Variants in ZNF827 observed in about 807,000 individuals in gnomAD.
ZNF827 encodes zinc finger protein 827.
Under a neutral mutation model 102.4 loss-of-function variants are expected in ZNF827, and 13 were observed. The ratio of observed to expected loss-of-function variants is 0.13; its 90% CI spans 0.08 to 0.20. The LOEUF is 0.20. Among genes scored for constraint, ZNF827 ranks in the 10% least tolerant of loss-of-function variants. ZNF827 has a pLI of 1.00. For missense variants in ZNF827, 1,103 were observed against 1,344.4 expected, an observed-to-expected ratio of 0.82 and a Z score of 2.81; for synonymous variants, 523 against 536.2, an observed-to-expected ratio of 0.98 and a Z score of 0.34.
chr4:145,838,842 TAA>T (rs1745139034), intron 7 of ZNF827, among the ~76,000 whole-genome samples: 1 of 152,210 alleles, frequency 6.6e-6, no homozygotes, highest in South Asian at 2.1e-4. Context: ...TATCTGGAAA[TAA>T]GTTACTTTTA....
intron 7 of ZNF827, among the ~76,000 whole-genome samples, chr4:145,836,183 A>G (rs1744816128): frequency 6.6e-6 from 1 of 151,832 alleles, no homozygotes; most frequent in Non-Finnish European, 1.5e-5. Context: ...CTATCTCGGC[A>G]TAATTCTCAT....
chr4:145,937,709 G>GCCGCCTCCTCCACCT (rs920739518), intron 1 of ZNF827, among the ~76,000 whole-genome samples: 8 of 73,440 alleles, frequency 1.1e-4, no homozygotes, highest in Non-Finnish European at 2.1e-4. Flanking sequence ...CTCCTCCGCC[G>GCCGCCTCCTCCACCT]CCGCCTCCTC....
intron 7 of ZNF827, chr4:145,830,548 G>A (rs942969432): frequency 6.6e-6 from 1 of 152,020 alleles, no homozygotes; most frequent in Non-Finnish European, 1.5e-5. Flanking sequence ...CATGATTAAT[G>A]CCGTTTTCTT....
At chr4:145,823,720 A>G (rs1743389860) in intron 7 of ZNF827, among the ~76,000 whole-genome samples, 195 bp from the exon 8 acceptor site, 1 of 152,248 alleles carries the variant, frequency 6.6e-6, no homozygotes, top group Non-Finnish European at 1.5e-5. Context: ...TGCCAGCTGT[A>G]CCTTCTGCCT....
chr4:145,874,236 G>T (rs1014091490), intron 4 of ZNF827, among the ~76,000 whole-genome samples: 4 of 152,224 alleles, frequency 2.6e-5, no homozygotes, highest in Admixed American at 6.5e-5. Context: ...CAATAGGCAA[G>T]CTGTATATTG....
intron 1 of ZNF827, among the ~76,000 whole-genome samples, chr4:145,922,329 A>G (rs1165506357): frequency 6.6e-6 from 1 of 152,196 alleles, no homozygotes; most frequent in African/African-American, 2.4e-5. Flanking sequence ...TAATAATACT[A>G]AGCTATCATT....
At chr4:145,899,249 C>T (rs1469328330) in intron 2 of ZNF827, among the ~76,000 whole-genome samples, 1 of 151,314 alleles carries the variant, frequency 6.6e-6, no homozygotes, top group African/African-American at 2.4e-5. Flanking sequence ...ATCGAAGGTA[C>T]ATCCCAATCC....
chr4:145,919,813 A>C (rs1175111261), intron 1 of ZNF827, among the ~76,000 whole-genome samples: 1 of 152,210 alleles, frequency 6.6e-6, no homozygotes, highest in Non-Finnish European at 1.5e-5. Context: ...TAAGTAAATA[A>C]ATATAATCAA....
At chr4:145,931,789 A>G (rs565477931) in intron 1 of ZNF827, among the ~76,000 whole-genome samples, 26 of 152,328 alleles carry the variant, frequency 1.7e-4, no homozygotes, top group Admixed American at 4.6e-4. Flanking sequence ...AATCTCAGAA[A>G]TACACTGCCT....
Position 145,763,579 on chromosome 4 carries a change from G to T in ZNF827, c.3231-457C>A, listed in dbSNP as rs1734840086. ...GCTTCAGAGGCTGGGGACTTTGGAG[G>T]TCCCTGAGGAAAGGCGAACTGGCAA... On this transcript the variant is annotated intron_variant, in intron 13 of 14. Transcript: ENST00000508784. The surrounding 1 kb of genome is among the most constrained non-coding windows in gnomAD (Gnocchi z 4.6). Among the ~76,000 whole-genome samples, 1 of 152,204 alleles carries T rather than the reference G, an allele frequency of 6.6e-6. No homozygotes were observed. Among genetic ancestry groups the T allele is most frequent in the African/African-American group, 2.4e-5 (1 of 41,452 alleles).
At chr4:145,888,189 A>AT (rs1244402089) in intron 3 of ZNF827, among the ~76,000 whole-genome samples, 2 of 152,024 alleles carry the variant, frequency 1.3e-5, no homozygotes, top group African/African-American at 4.8e-5. Context: ...GCACTTAACA[A>AT]TTTTTTTTGA....
chr4:145,895,966 T>C (rs1750940908), intron 2 of ZNF827, among the ~76,000 whole-genome samples: 3 of 152,228 alleles, frequency 2.0e-5, no homozygotes, highest in Admixed American at 6.5e-5. Flanking sequence ...TAGCTAGTTA[T>C]TATCACTGCA....
intron 4 of ZNF827, among the ~76,000 whole-genome samples, chr4:145,873,160 T>A (rs944714584): frequency 2.0e-5 from 3 of 151,892 alleles, no homozygotes; most frequent in African/African-American, 7.2e-5. Context: ...TGGTCTCGGC[T>A]TCCTGACCTC....
rs951267816 is a variant in ZNF827 at position 145,757,770 on chromosome 4, G to A, written c.*3846C>T. ...CCTGTACAGCCTCGTAATGCAAAAA[G>A]CTTTATACAATACAAATTTTCAGTA... On this transcript the variant is annotated 3_prime_UTR_variant, in exon 15 of 15. Coordinates refer to ENST00000508784, the MANE Select transcript of ZNF827 (RefSeq NM_001306215.2). 2.6e-5 allele frequency: 4 copies of A among 151,722 alleles called. No individual in the cohort carries two copies. The highest frequency in any genetic ancestry group is 7.3e-5 in the African/African-American group (3 of 41,260). The allele number at this position is 151,722 out of a possible 1,614,324, so 9.4% of individuals were successfully genotyped here.
At chr4:145,898,651 A>G (rs991083445) in intron 2 of ZNF827, among the ~76,000 whole-genome samples, 6 of 152,034 alleles carry the variant, frequency 3.9e-5, no homozygotes, top group African/African-American at 1.4e-4. Context: ...CTGGGGGCGC[A>G]GGGTCACATG....
intron 1 of ZNF827, among the ~76,000 whole-genome samples, chr4:145,911,041 T>A (rs933614029): frequency 1.6e-4 from 25 of 152,170 alleles, no homozygotes; most frequent in African/African-American, 6.0e-4. Context: ...GGCTGAACAA[T>A]CATAAAGGTA....
intron 8 of ZNF827, among the ~76,000 whole-genome samples, chr4:145,781,064 C>T (rs1256710560): frequency 1.3e-5 from 2 of 151,602 alleles, no homozygotes; most frequent in Admixed American, 6.6e-5. Flanking sequence ...GGCGTGGTGG[C>T]GGGCGCCTGA....
At chr4:145,875,015 G>A (rs1314279809) in intron 4 of ZNF827, among the ~76,000 whole-genome samples, 1 of 152,192 alleles carries the variant, frequency 6.6e-6, no homozygotes, top group Non-Finnish European at 1.5e-5. Flanking sequence ...GAATGGGAAA[G>A]CTGCTGGGAT....
At chr4:145,845,445 T>A (rs1305378671) in intron 7 of ZNF827, among the ~76,000 whole-genome samples, 1 of 152,238 alleles carries the variant, frequency 6.6e-6, no homozygotes, top group Non-Finnish European at 1.5e-5. Flanking sequence ...CATTATCTTT[T>A]TTCTGCCTTT....
Sources: gnomAD v4.1 joint callset for allele counts (sites outside exome capture counted in the v4.1 genomes callset) on GRCh38, gnomAD v4.1.1 for gene constraint, Gnocchi (gnomAD v3.1) non-coding constraint, MANE v1.5 for transcripts, NCBI Gene and HGNC (gene_info 2026-07-23, HGNC 2026-07-21) for gene names.